The following CNTNAP2 variants were observed in gnomAD, a reference collection of about 807,000 sequenced individuals.
CNTNAP2 encodes contactin associated protein 2.
Under a neutral mutation model 155.2 loss-of-function variants are expected in CNTNAP2, and 98 were observed. The observed-to-expected ratio is 0.63, with a 90% CI of 0.54 to 0.75. CNTNAP2 has a LOEUF of 0.75. CNTNAP2 is among the 30% of genes least tolerant of loss of function. The probability of loss-of-function intolerance (pLI) is 0.00; values close to 1 mark genes in which losing one functional copy is unlikely to be tolerated. For synonymous variants in CNTNAP2, 651 were observed against 631.2 expected (o/e 1.03, Z -0.47); for missense variants, 1,727 against 1,688.1 (o/e 1.02, Z -0.40).
chr7:147,840,503 G>C (rs547541545), intron 13 of CNTNAP2, among the ~76,000 whole-genome samples: 1 of 152,086 alleles, frequency 6.6e-6, no homozygotes, highest in Non-Finnish European at 1.5e-5. Flanking sequence ...AGGGAGATAG[G>C]AGAGAAAGTA....
At chr7:146,249,918 T>G (rs1426194830) in intron 1 of CNTNAP2, among the ~76,000 whole-genome samples, 1 of 152,226 alleles carries the variant, frequency 6.6e-6, no homozygotes, top group Non-Finnish European at 1.5e-5. Context: ...AAATTTTGAA[T>G]GCTACGTCTT....
chr7:146,362,830 G>A (rs1563055545), intron 1 of CNTNAP2, among the ~76,000 whole-genome samples: 1 of 146,390 alleles, frequency 6.8e-6, no homozygotes, highest in Non-Finnish European at 1.5e-5. Flanking sequence ...GAGTGCAGTG[G>A]CACGATCTCG....
At chr7:147,714,051 A>G (rs891176341) in intron 13 of CNTNAP2, among the ~76,000 whole-genome samples, 4 of 152,104 alleles carry the variant, frequency 2.6e-5, no homozygotes, top group Non-Finnish European at 4.4e-5. Flanking sequence ...TTGAGTACCT[A>G]CTGTATGCCA....
chr7:146,501,057 T>C (rs371961886), intron 1 of CNTNAP2, among the ~76,000 whole-genome samples: 3 of 152,146 alleles, frequency 2.0e-5, no homozygotes, highest in African/African-American at 7.2e-5. Context: ...TCTTGCATAC[T>C]TGATAAATCT....
intron 1 of CNTNAP2, among the ~76,000 whole-genome samples, chr7:146,472,198 A>G (rs1796809444): frequency 6.6e-6 from 1 of 152,172 alleles, no homozygotes; most frequent in Non-Finnish European, 1.5e-5. Flanking sequence ...CCACATTAAT[A>G]TATTTAGACC....
At chr7:147,893,800 G>A (rs1204866243) in intron 13 of CNTNAP2, among the ~76,000 whole-genome samples, 1 of 152,168 alleles carries the variant, frequency 6.6e-6, no homozygotes, top group Admixed American at 6.5e-5. Context: ...CCCAGATCTT[G>A]GAAGTGATTC....
intron 21 of CNTNAP2, among the ~76,000 whole-genome samples, chr7:148,329,815 T>G (rs1330252027): frequency 6.6e-6 from 1 of 152,224 alleles, no homozygotes; most frequent in Admixed American, 6.5e-5. Context: ...TGATTCATCC[T>G]TCAAGTGAGG....
intron 1 of CNTNAP2, among the ~76,000 whole-genome samples, chr7:146,276,322 A>T (rs1015079289): frequency 1.3e-5 from 2 of 152,182 alleles, no homozygotes; most frequent in African/African-American, 4.8e-5. Context: ...GTGTGATTAT[A>T]TATGTATTCC....
intron 19 of CNTNAP2, among the ~76,000 whole-genome samples, chr7:148,220,431 A>C (rs1025680782): frequency 6.6e-6 from 1 of 152,340 alleles, no homozygotes; most frequent in Non-Finnish European, 1.5e-5. Context: ...TGAAAATAAA[A>C]ATTGAAAAGA....
intron 1 of CNTNAP2, among the ~76,000 whole-genome samples, chr7:146,462,020 T>C (rs1282904092): frequency 6.6e-6 from 1 of 152,212 alleles, no homozygotes; most frequent in Non-Finnish European, 1.5e-5. Flanking sequence ...ATATTCTAAA[T>C]TTTTTCTTAG....
At chr7:146,430,208 T>C (rs1211821008) in intron 1 of CNTNAP2, among the ~76,000 whole-genome samples, 2 of 151,850 alleles carry the variant, frequency 1.3e-5, no homozygotes, top group Non-Finnish European at 2.9e-5. Flanking sequence ...TTTTAATCTC[T>C]GCCAGGATGT....
chr7:147,383,600 C>G (rs1458481090), intron 9 of CNTNAP2, among the ~76,000 whole-genome samples: 1 of 151,936 alleles, frequency 6.6e-6, no homozygotes, highest in Admixed American at 6.6e-5. Flanking sequence ...GAGGGGAACA[C>G]CACGCACCGG....
chr7:146,712,128 ATATCT>A (rs1801093292), intron 1 of CNTNAP2, among the ~76,000 whole-genome samples: 1 of 121,340 alleles, frequency 8.2e-6, no homozygotes, highest in South Asian at 2.5e-4. Flanking sequence ...ATATGTATAC[ATATCT>A]TATGTATACT....
intron 1 of CNTNAP2, among the ~76,000 whole-genome samples, chr7:146,681,456 T>C (rs960898651): frequency 5.4e-5 from 2 of 37,036 alleles, no homozygotes; most frequent in Non-Finnish European, 1.0e-4. Flanking sequence ...GGTGGCAGGG[T>C]GGCGGGGGGA....
At chr7:147,841,763 T>C (rs1234334462) in intron 13 of CNTNAP2, among the ~76,000 whole-genome samples, 2 of 152,194 alleles carry the variant, frequency 1.3e-5, no homozygotes, top group Non-Finnish European at 2.9e-5. Flanking sequence ...AAATAGTATT[T>C]ATACATAAAT....
At chr7:147,575,107 A>ATATGTATGTGTGTGTG (rs1554406899) in intron 12 of CNTNAP2, among the ~76,000 whole-genome samples, 2 of 94,146 alleles carry the variant, frequency 2.1e-5, no homozygotes, top group African/African-American at 7.8e-5. Context: ...TTTGTGGGAA[A>ATATGTATGTGTGTGTG]TGTGTGTGTG....
intron 1 of CNTNAP2, among the ~76,000 whole-genome samples, chr7:146,401,247 G>GT (rs1563070665): frequency 1.3e-5 from 2 of 152,074 alleles, no homozygotes; most frequent in African/African-American, 4.8e-5. Context: ...GCTGAGGATT[G>GT]TATTTATTTC....
chr7:146,887,302 C>T (rs1195892332), intron 3 of CNTNAP2, among the ~76,000 whole-genome samples: 1 of 151,948 alleles, frequency 6.6e-6, no homozygotes, highest in Non-Finnish European at 1.5e-5. Flanking sequence ...GCGCCCACCA[C>T]CACACCCAAC....
intron 1 of CNTNAP2, among the ~76,000 whole-genome samples, chr7:146,297,241 T>C (rs1205739359): frequency 2.6e-5 from 4 of 152,114 alleles, no homozygotes; most frequent in African/African-American, 9.7e-5. Flanking sequence ...TTTCCTAATA[T>C]ATCTATATTC....
Sources: gnomAD v4.1 joint callset for allele counts (sites outside exome capture counted in the v4.1 genomes callset) on GRCh38, gnomAD v4.1.1 for gene constraint, MANE v1.5 for transcripts, NCBI Gene and HGNC (gene_info 2026-07-23, HGNC 2026-07-21) for gene names.